Variants in KCNMA1 observed in about 807,000 individuals in gnomAD.
KCNMA1 encodes the protein Calcium-activated potassium channel subunit alpha-1.
KCNMA1 carries 29 observed loss-of-function variants against 140.0 expected under a neutral mutation model. The observed-to-expected ratio is 0.21, with a 90% CI of 0.15 to 0.28. The LOEUF is 0.28. KCNMA1 is among the 10% of genes least tolerant of loss of function. The pLI, the probability that KCNMA1 is intolerant of heterozygous loss-of-function variation, is 1.00. For missense variants in KCNMA1, 880 were observed against 1,602.2 expected (o/e 0.55, Z 7.70); for synonymous variants, 612 against 611.9 (o/e 1.00, Z 0.00).
intron 18 of KCNMA1, among the ~76,000 whole-genome samples, chr10:77,008,023 T>C (rs1030952455): frequency 5.9e-5 from 6 of 101,638 alleles, no homozygotes; most frequent in Admixed American, 1.9e-4. Context: ...GTAGACTGCA[T>C]TGGGGGATGA....
chr10:77,281,028 A>G (rs1203118769), intron 2 of KCNMA1, among the ~76,000 whole-genome samples: 1 of 152,142 alleles, frequency 6.6e-6, no homozygotes, highest in Admixed American at 6.5e-5. Flanking sequence ...AGATGTTAGA[A>G]CTCACAAGAG....
chr10:77,231,555 A>T (rs554571076), intron 3 of KCNMA1, among the ~76,000 whole-genome samples: 17 of 152,246 alleles, frequency 1.1e-4, no homozygotes, highest in African/African-American at 4.1e-4. Flanking sequence ...ATTGTAACTG[A>T]AGCTCAGCTT....
chr10:77,441,266 A>T (rs898661036), intron 1 of KCNMA1, among the ~76,000 whole-genome samples: 3 of 152,116 alleles, frequency 2.0e-5, no homozygotes, highest in Non-Finnish European at 4.4e-5. Context: ...TCATAGAGGA[A>T]TTTCAGTAGA....
chr10:76,964,206 G>A (rs950670873), intron 20 of KCNMA1, among the ~76,000 whole-genome samples: 8 of 151,402 alleles, frequency 5.3e-5, no homozygotes, highest in Non-Finnish European at 8.8e-5. Context: ...AAAACTCTCA[G>A]GCCAGGCTGT....
At chr10:77,315,000 G>A (rs1375677842) in intron 2 of KCNMA1, among the ~76,000 whole-genome samples, 1 of 151,174 alleles carries the variant, frequency 6.6e-6, no homozygotes, top group East Asian at 1.9e-4. Context: ...TATATAATGG[G>A]ATGTACTATG....
chr10:77,049,460 A>G (rs956675984), intron 14 of KCNMA1, among the ~76,000 whole-genome samples: 2 of 152,198 alleles, frequency 1.3e-5, no homozygotes, highest in African/African-American at 4.8e-5. Flanking sequence ...CCATCACAGC[A>G]TTTGACTTCT....
At chr10:77,606,322 C>A (rs1376622873) in intron 1 of KCNMA1, among the ~76,000 whole-genome samples, 1 of 152,214 alleles carries the variant, frequency 6.6e-6, no homozygotes, top group Non-Finnish European at 1.5e-5. Flanking sequence ...GAGCAGCAAC[C>A]CCTCATGGCC....
intron 3 of KCNMA1, among the ~76,000 whole-genome samples, chr10:77,223,792 C>T (rs534846311): frequency 3.3e-5 from 5 of 151,932 alleles, no homozygotes; most frequent in East Asian, 3.9e-4. Flanking sequence ...AGGTCATGGA[C>T]GAAGTGAAGA....
At chr10:76,984,183 T>C (rs1240995318) in intron 19 of KCNMA1, among the ~76,000 whole-genome samples, 1 of 139,364 alleles carries the variant, frequency 7.2e-6, no homozygotes, top group Non-Finnish European at 1.5e-5. Context: ...GCAACTCTTT[T>C]ATTAGTATTA....
intron 20 of KCNMA1, among the ~76,000 whole-genome samples, chr10:76,965,131 A>G (rs2073359763): frequency 6.6e-6 from 1 of 152,170 alleles, no homozygotes; most frequent in Admixed American, 6.5e-5. Context: ...GACTTTACAA[A>G]TGAGGAAAGA....
chr10:77,148,496 C>A (rs1264746193), intron 5 of KCNMA1, among the ~76,000 whole-genome samples: 1 of 150,952 alleles, frequency 6.6e-6, no homozygotes, highest in Admixed American at 6.7e-5. Context: ...AATTCTGATG[C>A]TCAACATTAA....
chr10:77,575,094 G>A (rs533588910), intron 1 of KCNMA1, among the ~76,000 whole-genome samples: 3 of 152,148 alleles, frequency 2.0e-5, no homozygotes, highest in Non-Finnish European at 4.4e-5. Flanking sequence ...ATGGGCAGTG[G>A]CATAGCAAAG....
At chr10:77,203,987 T>C (rs1201232619) in intron 3 of KCNMA1, among the ~76,000 whole-genome samples, 1 of 151,452 alleles carries the variant, frequency 6.6e-6, no homozygotes, top group Non-Finnish European at 1.5e-5. Flanking sequence ...TCCCAGCTAC[T>C]TGGGAGACTG....
intron 14 of KCNMA1, among the ~76,000 whole-genome samples, chr10:77,042,967 C>G (rs1167492374): frequency 2.6e-5 from 4 of 152,194 alleles, no homozygotes; most frequent in Admixed American, 2.6e-4. Flanking sequence ...CTAGAGAAAG[C>G]ACCAGATGTA....
intron 5 of KCNMA1, among the ~76,000 whole-genome samples, chr10:77,152,278 T>TTGTGTGTGTGTGTGTG (rs72088425): frequency 0.014 from 1,377 of 99,132 alleles, 32 homozygotes; most frequent in Admixed American, 0.083. Flanking sequence ...TTTTTTGCTT[T>TTGTGTGTGTGTGTGTG]TGTGTGTGTG....
chr10:77,623,888 T>C (rs1385502855), intron 1 of KCNMA1, among the ~76,000 whole-genome samples: 1 of 152,220 alleles, frequency 6.6e-6, no homozygotes, highest in African/African-American at 2.4e-5. Flanking sequence ...GTTAATGTAA[T>C]GTATCTGTGA....
At chr10:77,158,656 A>T (rs1207905017) in intron 5 of KCNMA1, among the ~76,000 whole-genome samples, 3 of 152,160 alleles carry the variant, frequency 2.0e-5, no homozygotes, top group African/African-American at 7.2e-5. Flanking sequence ...TTGGCTTGCT[A>T]AGAAGTTGTC....
At chr10:77,116,800 C>T (rs938270782) in intron 6 of KCNMA1, among the ~76,000 whole-genome samples, 2 of 152,140 alleles carry the variant, frequency 1.3e-5, no homozygotes, top group Non-Finnish European at 2.9e-5. Flanking sequence ...TCTATGAGGT[C>T]TTTGATGCTT....
intron 3 of KCNMA1, among the ~76,000 whole-genome samples, chr10:77,217,095 A>G (rs959102419): frequency 6.6e-6 from 1 of 152,152 alleles, no homozygotes; most frequent in African/African-American, 2.4e-5. Context: ...ACCTGAGGTC[A>G]GGAGATTGAG....
Sources: allele counts gnomAD v4.1 joint callset (sites outside exome capture counted in the v4.1 genomes callset), GRCh38; gene constraint gnomAD v4.1.1; transcripts MANE v1.5; gene names NCBI Gene and HGNC (gene_info 2026-07-23, HGNC 2026-07-21).